Variants in LHFPL2 observed in about 807,000 individuals in gnomAD.
The protein encoded by LHFPL2 is LHFPL tetraspan subfamily member 2 protein.
Under a neutral mutation model 17.5 loss-of-function variants are expected in LHFPL2, and 7 were observed. The observed-to-expected ratio is 0.40, with a 90% CI of 0.23 to 0.75. The LOEUF (loss-of-function observed/expected upper bound fraction) is 0.75. LHFPL2 is among the 30% of genes least tolerant of loss of function. The pLI is 0.37. For synonymous variants in LHFPL2, 134 were observed against 116.2 expected, an observed-to-expected ratio of 1.15 and a Z score of -0.99; for missense variants, 241 against 294.8, an observed-to-expected ratio of 0.82 and a Z score of 1.34.
At chr5:78,642,111 C>T in intron 1 of LHFPL2, 1 of 152,306 alleles carries the variant, frequency 6.6e-6, no homozygotes. Flanking sequence ...CTTTTTGCTG[C>T]ATCCTCACAC....
At chr5:78,530,346 G>C (rs1755745471) in intron 3 of LHFPL2, among the ~76,000 whole-genome samples, 2 of 152,142 alleles carry the variant, frequency 1.3e-5, no homozygotes, top group South Asian at 4.1e-4. Flanking sequence ...TGTGGCTTTA[G>C]TCTACTGTTT....
intron 2 of LHFPL2, among the ~76,000 whole-genome samples, chr5:78,580,476 T>C (rs1222677976): frequency 6.7e-6 from 1 of 149,954 alleles, no homozygotes; most frequent in African/African-American, 2.4e-5. Flanking sequence ...TTTACGGTTT[T>C]AGGTCTAACG....
At chr5:78,489,302 C>T in intron 4 of LHFPL2, 149 bp from the exon 5 acceptor site, 4 of 780,478 alleles carry the variant, frequency 5.1e-6, no homozygotes, top group Non-Finnish European at 8.0e-6. Flanking sequence ...GCAAACTAAT[C>T]TGACCTGATC....
chr5:78,488,151 C>CTAG lies in LHFPL2; in HGVS notation c.*743_*745dup, dbSNP rs1327199014. The CTAG allele has an allele frequency of 6.6e-6, 1 of 152,284 alleles. No homozygotes were observed. The highest frequency in any genetic ancestry group is 1.5e-5 in the Non-Finnish European group (1 of 68,120). The allele number at this position is 152,284 out of a possible 1,614,324, so 9.4% of individuals were successfully genotyped here. A position where few individuals can be genotyped will look rare whatever the true frequency, so the allele number is the denominator to read the frequency against. On this transcript the variant is annotated 3_prime_UTR_variant, in exon 5 of 5. Coordinates refer to ENST00000380345, the MANE Select transcript of LHFPL2 (RefSeq NM_005779.3). Reference sequence around the variant, plus strand: ...AGAGGAGACTGGGCCAGAACTGGTGCTAGCCTGGCTGCTGGGAAGAAGAAA... The same window carrying CTAG: ...AGAGGAGACTGGGCCAGAACTGGTGCTAGTAGCCTGGCTGCTGGGAAGAAGAAA...
chr5:78,638,086 G>A (rs1745521325), intron 1 of LHFPL2, among the ~76,000 whole-genome samples: 1 of 152,188 alleles, frequency 6.6e-6, no homozygotes, highest in Admixed American at 6.5e-5. Flanking sequence ...CGGGCGTGGT[G>A]GCTTACACCT....
Position 78,485,857 on chromosome 5 carries a change from C to T in LHFPL2, c.*3040G>A, listed in dbSNP as rs1198649912. The T allele has an allele frequency of 6.6e-6, 1 of 152,468 alleles. No homozygotes were observed. Among genetic ancestry groups the T allele is most frequent in the Non-Finnish European group, 1.5e-5 (1 of 68,006 alleles). 9.4% of individuals were successfully genotyped at this position (152,468 alleles called of 1,614,324 possible). A position where few individuals can be genotyped will look rare whatever the true frequency, so the allele number is the denominator to read the frequency against. Reference sequence around the variant, plus strand: ...ATAACACTAGCGATTATTTTAGACCCAGGAAAAAATGATTTCATACCAGTC... The same window carrying T: ...ATAACACTAGCGATTATTTTAGACCTAGGAAAAAATGATTTCATACCAGTC... On this transcript the variant is annotated 3_prime_UTR_variant, in exon 5 of 5. Transcript: ENST00000380345.
At position 78,609,450 on chromosome 5, in the gene LHFPL2, CAAAAAAAA is replaced by C. The variant is rs71613975; in HGVS notation, c.-245+22806_-245+22813del. ...TGGGAAACAGAGCGAGACTCAGTCT[CAAAAAAAA>C]AAAAAAAAAAAAAAAAAAGAGAGAG... On this transcript the variant is annotated intron_variant, in intron 2 of 4. Coordinates refer to ENST00000380345, the MANE Select transcript of LHFPL2 (RefSeq NM_005779.3). 8.1e-4 allele frequency among the ~76,000 whole-genome samples: 33 copies of C among 40,682 alleles called. No homozygotes were observed. In the Middle Eastern group the frequency reaches 0.047, roughly 58 times the overall value. 26.7% of individuals were successfully genotyped at this position (40,682 alleles called of 152,430 possible).
rs140481456 is a variant in LHFPL2 at position 78,600,084 on chromosome 5, T to G, written c.-245+32180A>C. Reference sequence around the variant, plus strand: ...AAAGCCGGGGAGATCAAACAACAGCTTATTCATGGTGAAAATTATTTTGAA... The same window carrying G: ...AAAGCCGGGGAGATCAAACAACAGCGTATTCATGGTGAAAATTATTTTGAA... On this transcript the variant is annotated intron_variant, in intron 2 of 4. Transcript: ENST00000380345. 3.5e-3 allele frequency among the ~76,000 whole-genome samples: 537 copies of G among 152,212 alleles called. 5 individuals are homozygous for G. Among genetic ancestry groups the G allele is most frequent in the African/African-American group, 0.012 (512 of 41,538 alleles).
chr5:78,631,856 A>G (rs1745261032), intron 2 of LHFPL2, among the ~76,000 whole-genome samples: 1 of 150,814 alleles, frequency 6.6e-6, no homozygotes, highest in African/African-American at 2.5e-5. Context: ...GAATGGCTTG[A>G]TCCTGGGAGA....
At chr5:78,627,331 C>T (rs775271692) in intron 2 of LHFPL2, among the ~76,000 whole-genome samples, 1 of 152,048 alleles carries the variant, frequency 6.6e-6, no homozygotes, top group Non-Finnish European at 1.5e-5. Flanking sequence ...TCTAAAAGCC[C>T]TTTCTATCCT....
At chr5:78,515,827 G>T (rs1172966473) in intron 3 of LHFPL2, among the ~76,000 whole-genome samples, 3 of 152,126 alleles carry the variant, frequency 2.0e-5, no homozygotes, top group Non-Finnish European at 4.4e-5. Context: ...ATTGGGGAGG[G>T]GAGGCTGAAG....
At chr5:78,591,207 A>C (rs1265439397) in intron 2 of LHFPL2, among the ~76,000 whole-genome samples, 1 of 152,204 alleles carries the variant, frequency 6.6e-6, no homozygotes, top group Admixed American at 6.5e-5. Flanking sequence ...AGTTTACAGA[A>C]AAAAATGAAG....
Position 78,546,599 on chromosome 5 carries a change from C to T in LHFPL2, c.-186+18214G>A, listed in dbSNP as rs138518915. Reference sequence around the variant, plus strand: ...TTTATCACATGATTCTCAGTAACCTCGACTCCAGGACTTGCTGGTGCTTAC... The same window carrying T: ...TTTATCACATGATTCTCAGTAACCTTGACTCCAGGACTTGCTGGTGCTTAC... On this transcript the variant is annotated intron_variant, in intron 3 of 4. Coordinates refer to ENST00000380345, the MANE Select transcript of LHFPL2 (RefSeq NM_005779.3). Among the ~76,000 whole-genome samples, 9 of 152,336 alleles carry T rather than the reference C, an allele frequency of 5.9e-5. No individual in the cohort carries two copies. In the East Asian group the frequency reaches 9.6e-4, roughly 16 times the overall value.
chr5:78,538,339 T>G (rs1379801068), intron 3 of LHFPL2, among the ~76,000 whole-genome samples: 1 of 62,294 alleles, frequency 1.6e-5, no homozygotes, highest in Non-Finnish European at 5.1e-5. Flanking sequence ...TCATTAAACA[T>G]TTTTTTAAAT....
chr5:78,574,885 C>T (rs898108556), intron 2 of LHFPL2, among the ~76,000 whole-genome samples: 1 of 152,228 alleles, frequency 6.6e-6, no homozygotes, highest in Admixed American at 6.5e-5. Flanking sequence ...CTGAGCGTCA[C>T]CAAACACCTC....
chr5:78,603,302 C>A (rs1345495230), intron 2 of LHFPL2, among the ~76,000 whole-genome samples: 4 of 152,200 alleles, frequency 2.6e-5, no homozygotes, highest in African/African-American at 9.7e-5. Context: ...TGAATTTTCT[C>A]ATTTATTGAT....
chr5:78,606,444 GTAAT>G (rs1744214569), intron 2 of LHFPL2, among the ~76,000 whole-genome samples: 1 of 152,148 alleles, frequency 6.6e-6, no homozygotes, highest in Non-Finnish European at 1.5e-5. Context: ...CAAAAAGTCG[GTAAT>G]TAAATACCAC....
chr5:78,538,442 C>G (rs1399137278), intron 3 of LHFPL2, among the ~76,000 whole-genome samples: 1 of 152,186 alleles, frequency 6.6e-6, no homozygotes, highest in African/African-American at 2.4e-5. Context: ...TCTATCAATA[C>G]TGGGCCCACA....
At chr5:78,635,647 C>CA (rs1745414453) in intron 1 of LHFPL2, among the ~76,000 whole-genome samples, 1 of 152,078 alleles carries the variant, frequency 6.6e-6, no homozygotes, top group Non-Finnish European at 1.5e-5. Context: ...CTAAAAAATA[C>CA]AAAAAATTAG....
Sources: allele counts gnomAD v4.1 joint callset (sites outside exome capture counted in the v4.1 genomes callset), GRCh38; gene constraint gnomAD v4.1.1; transcripts MANE v1.5; gene names NCBI Gene and HGNC (gene_info 2026-07-23, HGNC 2026-07-21).